The following LRP12 variants were observed in gnomAD, a reference collection of about 807,000 sequenced individuals.
LRP12 encodes the protein low-density lipoprotein receptor-related protein 12.
LRP12 carries 14 observed loss-of-function variants against 66.0 expected under a neutral mutation model. That is an observed-to-expected ratio of 0.21 (90% confidence interval 0.14 to 0.33). LRP12 has a LOEUF of 0.33. Ranked by LOEUF, LRP12 falls within the 10% of genes least tolerant of loss-of-function variation. The pLI is 1.00. For synonymous variants in LRP12, 357 were observed against 359.1 expected, an observed-to-expected ratio of 0.99 and a Z score of 0.07; for missense variants, 889 against 1,053.4, an observed-to-expected ratio of 0.84 and a Z score of 2.16.
chr8:104,589,046 G>C lies in LRP12; in HGVS notation c.-149C>G. The C allele has an allele frequency of 5.1e-6, 2 of 390,836 alleles. No individual in the cohort carries two copies. Among genetic ancestry groups the C allele is most frequent in the Non-Finnish European group, 8.6e-6 (2 of 231,710 alleles). The allele number at this position is 390,836 out of a possible 1,614,324, so 24.2% of individuals were successfully genotyped here. ...CTCTCCGCGGCTGCGGGAGGGGGAA[G>C]GGAGGGGCCGCCGCCGCCCGCGCGC... On this transcript the variant is annotated 5_prime_UTR_variant, in exon 1 of 7. Coordinates refer to ENST00000276654, the MANE Select transcript of LRP12 (RefSeq NM_013437.5).
intron 6 of LRP12, among the ~76,000 whole-genome samples, chr8:104,492,742 T>C (rs905010769): frequency 8.5e-5 from 13 of 152,080 alleles, no homozygotes; most frequent in Non-Finnish European, 1.9e-4. Flanking sequence ...AGTCTAACAT[T>C]AGTAAGGCAC....
At chr8:104,491,746 C>T (rs1305585737) in intron 6 of LRP12, among the ~76,000 whole-genome samples, 1 of 152,140 alleles carries the variant, frequency 6.6e-6, no homozygotes, top group Non-Finnish European at 1.5e-5. Flanking sequence ...TAACTTGAAT[C>T]ATTGTTTGTT....
At chr8:104,525,919 G>T (rs13259268) in intron 2 of LRP12, among the ~76,000 whole-genome samples, 4 of 152,134 alleles carry the variant, frequency 2.6e-5, no homozygotes, top group African/African-American at 9.6e-5. Flanking sequence ...ACATGATTGT[G>T]TATCTAGAAA....
chr8:104,579,521 T>C (rs908916006), intron 1 of LRP12, among the ~76,000 whole-genome samples: 1 of 152,216 alleles, frequency 6.6e-6, no homozygotes, highest in Admixed American at 6.5e-5. Context: ...AATTTACAGA[T>C]TCAATGCTAT....
At chr8:104,550,701 C>T (rs1375420254) in intron 1 of LRP12, among the ~76,000 whole-genome samples, 1 of 152,086 alleles carries the variant, frequency 6.6e-6, no homozygotes, top group Admixed American at 6.6e-5. Flanking sequence ...TTTCTTTATT[C>T]CATGTCTTTG....
intron 2 of LRP12, among the ~76,000 whole-genome samples, chr8:104,524,241 CAAAAAAAAAAA>C (rs57379814): frequency 2.1e-5 from 2 of 96,774 alleles, no homozygotes; most frequent in South Asian, 7.3e-4. Context: ...GACCCTGTCT[CAAAAAAAAAAA>C]AAAAAAAAAA....
intron 1 of LRP12, among the ~76,000 whole-genome samples, chr8:104,577,238 G>T (rs1486952064): frequency 1.3e-5 from 2 of 152,098 alleles, no homozygotes; most frequent in African/African-American, 4.8e-5. Context: ...AGACCTGACA[G>T]ATATCTACAG....
intron 1 of LRP12, among the ~76,000 whole-genome samples, chr8:104,548,278 ATT>A (rs1564142002): frequency 3.5e-4 from 32 of 91,290 alleles, no homozygotes; most frequent in Admixed American, 5.6e-4. Flanking sequence ...TATATATTAT[ATT>A]AATATATCAT....
chr8:104,562,776 A>G (rs781409178), intron 1 of LRP12, among the ~76,000 whole-genome samples: 24 of 152,210 alleles, frequency 1.6e-4, no homozygotes, highest in Non-Finnish European at 2.6e-4. Flanking sequence ...AAGTATTTGC[A>G]TAAGTTATTT....
intron 1 of LRP12, among the ~76,000 whole-genome samples, chr8:104,559,375 T>A (rs1564145023): frequency 1.3e-5 from 2 of 152,284 alleles, no homozygotes; most frequent in South Asian, 4.1e-4. Flanking sequence ...AAACATTTTA[T>A]GTTCTCATTC....
chr8:104,548,322 T>C (rs1564142133), intron 1 of LRP12, among the ~76,000 whole-genome samples: 12 of 18,464 alleles, frequency 6.5e-4, no homozygotes, highest in African/African-American at 2.9e-3. Flanking sequence ...TATAAATATA[T>C]AATATATATT....
intron 1 of LRP12, among the ~76,000 whole-genome samples, chr8:104,587,404 C>T (rs1004917612): frequency 6.6e-6 from 1 of 152,150 alleles, no homozygotes; most frequent in African/African-American, 2.4e-5. Flanking sequence ...ATTACAGCCA[C>T]TTGATGCAGC....
Position 104,588,944 on chromosome 8 carries a change from G to A in LRP12, c.-47C>T, listed in dbSNP as rs1269838784. The stretch of plus-strand genomic sequence containing the variant: ...AGAGGAGGAGACGGAGGAGGAGGGA[G>A]GAGAAGCTGGAGGTAGACGACGCCG... On this transcript the variant is annotated 5_prime_UTR_variant, in exon 1 of 7. Coordinates refer to ENST00000276654, the MANE Select transcript of LRP12 (RefSeq NM_013437.5). 7.0e-6 allele frequency: 10 copies of A among 1,426,788 alleles called. No individual in the cohort carries two copies. Among genetic ancestry groups the A allele is most frequent in the Non-Finnish European group, 9.6e-6 (10 of 1,045,392 alleles). 88.4% of individuals were successfully genotyped at this position (1,426,788 alleles called of 1,614,324 possible). A position where few individuals can be genotyped will look rare whatever the true frequency, so the allele number is the denominator to read the frequency against.
intron 1 of LRP12, among the ~76,000 whole-genome samples, chr8:104,556,590 G>A (rs949796806): frequency 6.6e-6 from 1 of 152,044 alleles, no homozygotes; most frequent in Admixed American, 6.6e-5. Context: ...ACTCTGAACA[G>A]ATCAATAACA....
At position 104,489,645 on chromosome 8, in the gene LRP12, A is replaced by G. The variant is rs1471361874; in HGVS notation, c.*1028T>C. On this transcript the variant is annotated 3_prime_UTR_variant, in exon 7 of 7. Coordinates refer to ENST00000276654, the MANE Select transcript of LRP12 (RefSeq NM_013437.5). ...AATGTATTTTTTAAATACAACAAAT[A>G]AATATGAAACCAGCAAAGCAATTTC... 1 of 152,192 alleles carries G rather than the reference A, an allele frequency of 6.6e-6. No individual in the cohort carries two copies. Among genetic ancestry groups the G allele is most frequent in the Admixed American group, 6.5e-5 (1 of 15,282 alleles). 9.4% of individuals were successfully genotyped at this position (152,192 alleles called of 1,614,324 possible). A position where few individuals can be genotyped will look rare whatever the true frequency, so the allele number is the denominator to read the frequency against.
intron 2 of LRP12, among the ~76,000 whole-genome samples, chr8:104,511,276 T>C (rs1810991932): frequency 6.6e-6 from 1 of 151,846 alleles, no homozygotes; most frequent in African/African-American, 2.4e-5. Flanking sequence ...TCTCTTGACC[T>C]TGTGATGTTA....
intron 1 of LRP12, among the ~76,000 whole-genome samples, chr8:104,581,525 TAA>T (rs953420157): frequency 6.6e-6 from 1 of 150,842 alleles, no homozygotes; most frequent in African/African-American, 2.5e-5. Context: ...CTCCTGAACT[TAA>T]AAGTGAAAAA....
intron 1 of LRP12, among the ~76,000 whole-genome samples, chr8:104,581,255 G>A (rs973476885): frequency 6.6e-6 from 1 of 152,152 alleles, no homozygotes; most frequent in African/African-American, 2.4e-5. Context: ...GACACATAGA[G>A]GAAGGGGAAC....
chr8:104,563,627 C>A (rs1811949805), intron 1 of LRP12, among the ~76,000 whole-genome samples: 1 of 151,988 alleles, frequency 6.6e-6, no homozygotes, highest in Admixed American at 6.5e-5. Context: ...GTCTTTGTAC[C>A]TCATGAGGTG....
Sources: gnomAD v4.1 joint callset for allele counts (sites outside exome capture counted in the v4.1 genomes callset) on GRCh38, gnomAD v4.1.1 for gene constraint, MANE v1.5 for transcripts, NCBI Gene and HGNC (gene_info 2026-07-23, HGNC 2026-07-21) for gene names.